Variants in UACA observed in about 807,000 individuals in gnomAD.
The protein encoded by UACA is nuclear membrane binding protein.
In UACA, 112 loss-of-function variants were observed where a neutral mutation model predicts 160.5. The observed-to-expected ratio is 0.70, with a 90% CI of 0.60 to 0.82. The LOEUF (loss-of-function observed/expected upper bound fraction) is 0.82. Among genes scored for constraint, UACA ranks in the 40% least tolerant of loss-of-function variants. The probability of loss-of-function intolerance (pLI) is 0.00; values close to 1 mark genes in which losing one functional copy is unlikely to be tolerated. For synonymous variants in UACA, 557 were observed against 568.4 expected (o/e 0.98, Z 0.29); for missense variants, 1,574 against 1,614.6 (o/e 0.97, Z 0.43).
intron 1 of UACA, among the ~76,000 whole-genome samples, chr15:70,714,159 A>G (rs915523572): frequency 3.3e-5 from 5 of 152,226 alleles, no homozygotes; most frequent in African/African-American, 1.2e-4. Context: ...TACGAAGCAT[A>G]AACATTCCTT....
At chr15:70,686,741 G>A (rs1374775398) in intron 7 of UACA, among the ~76,000 whole-genome samples, 5 of 151,840 alleles carry the variant, frequency 3.3e-5, no homozygotes, top group Admixed American at 6.6e-5. Flanking sequence ...ATGTTTGGAA[G>A]AATAAAATTA....
chr15:70,665,140 T>A (rs1896859716), intron 16 of UACA, among the ~76,000 whole-genome samples: 1 of 152,128 alleles, frequency 6.6e-6, no homozygotes, highest in Admixed American at 6.5e-5. Context: ...CCAGGTAACA[T>A]ATGGAACACA....
chr15:70,691,477 G>A, intron 3 of UACA, 114 bp from the exon 4 acceptor site: 1 of 672,226 alleles, frequency 1.5e-6, no homozygotes, highest in South Asian at 2.4e-5. Flanking sequence ...TACTTAATCT[G>A]TAAGTATACT....
intron 1 of UACA, among the ~76,000 whole-genome samples, chr15:70,739,362 A>G (rs779744441): frequency 6.6e-6 from 1 of 152,136 alleles, no homozygotes; most frequent in Non-Finnish European, 1.5e-5. Flanking sequence ...GATACTAGCA[A>G]TACTCCTCAA....
chr15:70,695,925 T>C (rs1217298512), intron 2 of UACA, among the ~76,000 whole-genome samples: 1 of 152,226 alleles, frequency 6.6e-6, no homozygotes, highest in Admixed American at 6.5e-5. Flanking sequence ...CTATGAATTA[T>C]GCTGAGTTTA....
intron 1 of UACA, chr15:70,701,936 T>C (rs1425301683): frequency 3.7e-6 from 6 of 1,612,788 alleles, no homozygotes; most frequent in Non-Finnish European, 5.1e-6. Context: ...TAGTTTCTTG[T>C]TGCTAATGGC....
intron 7 of UACA, among the ~76,000 whole-genome samples, chr15:70,685,707 A>G (rs1897688083): frequency 6.6e-6 from 1 of 152,192 alleles, no homozygotes; most frequent in Non-Finnish European, 1.5e-5. Context: ...GCTTTGAAAA[A>G]TGTGAGAGCT....
At position 70,655,162 on chromosome 15, in the gene UACA, C is replaced by T. The variant is rs1421804026; in HGVS notation, c.*1894G>A. On this transcript the variant is annotated 3_prime_UTR_variant, in exon 19 of 19. Transcript: ENST00000322954. ...CAAAATAAAATACACATAAGGTTCC[C>T]TTCCCATCTCTAATATGGAAAATAA... is the stretch of plus-strand genomic sequence containing the variant. 2 of 152,182 alleles carry T rather than the reference C, an allele frequency of 1.3e-5. No homozygotes were observed. The highest frequency in any genetic ancestry group is 2.9e-5 in the Non-Finnish European group (2 of 68,038). 9.4% of individuals were successfully genotyped at this position (152,182 alleles called of 1,614,324 possible). A position where few individuals can be genotyped will look rare whatever the true frequency, so the allele number is the denominator to read the frequency against.
chr15:70,773,248 G>T, the UACA span, among the ~76,000 whole-genome samples: 2 of 152,116 alleles, frequency 1.3e-5, no homozygotes, highest in Non-Finnish European at 2.9e-5. Context: ...GCGACCACTG[G>T]GTTTGGCAGC....
the UACA span, among the ~76,000 whole-genome samples, chr15:70,770,359 A>C: frequency 6.6e-6 from 1 of 152,230 alleles, no homozygotes; most frequent in Non-Finnish European, 1.5e-5. Flanking sequence ...GACTATTTTA[A>C]TAGCATATTT....
rs1274980061 is a variant in UACA at position 70,668,041 on chromosome 15, T to C, written c.2643A>G (p.Arg881=). 6.2e-7 allele frequency: 1 copy of C among 1,612,096 alleles called. No individual in the cohort carries two copies. Among genetic ancestry groups the C allele is most frequent in the Non-Finnish European group, 8.5e-7 (1 of 1,179,576 alleles). The change falls in exon 16 of 19, where the codon AGA becomes AGG. Residue 881 remains arginine (R), a synonymous_variant. Coordinates refer to ENST00000322954, the MANE Select transcript of UACA (RefSeq NM_018003.4). ...TLNDTLAKTN[R]ELLDVKKKFE... ...ATTTTTTCTTCACATCTAATAATTC[T>C]CTGTTAGTTTTGGCTAACGTGTCAT...
intron 1 of UACA, among the ~76,000 whole-genome samples, chr15:70,700,301 G>GTA (rs142277997): frequency 0.021 from 2,751 of 129,860 alleles, 75 homozygotes; most frequent in African/African-American, 0.037. Context: ...GAGGCAAATT[G>GTA]TATATATATA....
At chr15:70,684,220 T>A (rs1398367469) in intron 8 of UACA, 45 bp downstream of exon 8, 2 of 1,524,858 alleles carry the variant, frequency 1.3e-6, no homozygotes, top group African/African-American at 1.4e-5. Context: ...AAAAAGTGGC[T>A]CTTTGTTAAT....
chr15:70,752,037 G>A (rs774614219), intron 1 of UACA, among the ~76,000 whole-genome samples: 39 of 152,132 alleles, frequency 2.6e-4, no homozygotes, highest in African/African-American at 9.2e-4. Flanking sequence ...AGGAGTTCAC[G>A]ACAGGCCTGA....
At chr15:70,687,885 T>C in intron 5 of UACA, 65 bp from the exon 6 acceptor site, 11 of 1,473,634 alleles carry the variant, frequency 7.5e-6, no homozygotes, top group Non-Finnish European at 1.0e-5. Context: ...AGTGTTTTTC[T>C]AGGTCCATAT....
chr15:70,662,808 T>C (rs938455380), intron 17 of UACA, among the ~76,000 whole-genome samples: 2 of 152,172 alleles, frequency 1.3e-5, no homozygotes, highest in African/African-American at 2.4e-5. Flanking sequence ...TGGCTAGCCA[T>C]ACGCAGAAAG....
intron 1 of UACA, among the ~76,000 whole-genome samples, chr15:70,713,754 T>C (rs1245317050): frequency 6.6e-6 from 1 of 152,130 alleles, no homozygotes; most frequent in Non-Finnish European, 1.5e-5. Flanking sequence ...TATTGAGCAA[T>C]ATTACCAGCT....
intron 17 of UACA, among the ~76,000 whole-genome samples, chr15:70,663,201 T>C (rs1035005842): frequency 1.6e-4 from 25 of 152,136 alleles, no homozygotes; most frequent in African/African-American, 2.7e-4. Flanking sequence ...GGGCGAAGGA[T>C]ATGAACAGAC....
chr15:70,735,802 A>G lies in UACA; in HGVS notation c.78+27528T>C, dbSNP rs571981544. 4.3e-4 allele frequency among the ~76,000 whole-genome samples: 66 copies of G among 152,212 alleles called. 1 individual carries two copies. Among genetic ancestry groups the G allele is most frequent in the African/African-American group, 1.5e-3 (64 of 41,536 alleles). On this transcript the variant is annotated intron_variant, in intron 1 of 18. Coordinates refer to ENST00000322954, the MANE Select transcript of UACA (RefSeq NM_018003.4). ...GTGATCCTCCCACTGCAGCCTCCCA[A>G]GTAGCTGGGACTACAGGTGTAAGAC...
Sources: gnomAD v4.1 joint callset for allele counts (sites outside exome capture counted in the v4.1 genomes callset) on GRCh38, gnomAD v4.1.1 for gene constraint, MANE v1.5 for transcripts, NCBI Gene and HGNC (gene_info 2026-07-23, HGNC 2026-07-21) for gene names.